MAP2K3: variants seen among roughly 807,000 people sequenced by gnomAD.
MAP2K3 encodes dual specificity mitogen-activated protein kinase kinase 3.
Under a neutral mutation model 46.4 loss-of-function variants are expected in MAP2K3, and 30 were observed. That is an observed-to-expected ratio of 0.65 (90% confidence interval 0.48 to 0.88). MAP2K3 has a LOEUF of 0.88. MAP2K3 is among the 40% of genes least tolerant of loss of function. The probability of loss-of-function intolerance (pLI) is 0.00; values close to 1 mark genes in which losing one functional copy is unlikely to be tolerated. For synonymous variants in MAP2K3, 189 were observed against 176.3 expected (o/e 1.07, Z -0.57); for missense variants, 380 against 464.5 (o/e 0.82, Z 1.67).
intron 3 of MAP2K3, 39 bp downstream of exon 3, chr17:21,298,965 C>T (rs1976431479): frequency 6.2e-7 from 1 of 1,613,282 alleles, no homozygotes; most frequent in South Asian, 1.1e-5. Flanking sequence ...CCTCTCACTT[C>T]ACCTGACGAG....
At chr17:21,291,087 A>T (rs1975896068) in intron 1 of MAP2K3, among the ~76,000 whole-genome samples, 1 of 152,240 alleles carries the variant, frequency 6.6e-6, no homozygotes, top group South Asian at 2.1e-4. Flanking sequence ...CTAAAAACAC[A>T]CAAAAAATTA....
intron 1 of MAP2K3, among the ~76,000 whole-genome samples, chr17:21,294,695 CA>C (rs1976141467): frequency 2.0e-5 from 3 of 152,306 alleles, no homozygotes; most frequent in South Asian, 2.1e-4. Flanking sequence ...AGAGGGTGGA[CA>C]GGGGTGGTCT....
At chr17:21,290,093 T>A (rs1210646773) in intron 1 of MAP2K3, among the ~76,000 whole-genome samples, 1 of 152,208 alleles carries the variant, frequency 6.6e-6, no homozygotes, top group East Asian at 1.9e-4. Flanking sequence ...GTCCCAAGGT[T>A]TACATGTGCC....
At chr17:21,302,045 AGGGGGCTGGGGCTGGGGCTGGTGCT>A (rs1976631893) in intron 5 of MAP2K3, 73 bp from the exon 6 acceptor site, 2 of 1,137,758 alleles carry the variant, frequency 1.8e-6, no homozygotes, top group Non-Finnish European at 2.5e-6. Context: ...CACGTCGGAG[AGGGGGCTGGGGCTGGGGCTGGTGCT>A]GGGGCAGGCA....
chr17:21,302,786 T>C (rs1026258066), intron 6 of MAP2K3, among the ~76,000 whole-genome samples: 6 of 152,310 alleles, frequency 3.9e-5, no homozygotes, highest in Non-Finnish European at 8.8e-5. Context: ...ATTTACAATA[T>C]ACCCCTGCCT....
intron 9 of MAP2K3, among the ~76,000 whole-genome samples, chr17:21,307,418 G>A (rs1976944756): frequency 6.6e-6 from 1 of 150,380 alleles, no homozygotes; most frequent in Non-Finnish European, 1.5e-5. Flanking sequence ...GGCCACTGTT[G>A]CAGATGCGGA....
At chr17:21,293,022 A>C (rs186153828) in intron 1 of MAP2K3, among the ~76,000 whole-genome samples, 2 of 152,306 alleles carry the variant, frequency 1.3e-5, no homozygotes, top group Non-Finnish European at 2.9e-5. Context: ...TAATGAAAGA[A>C]ATTTGCATAG....
At chr17:21,297,230 C>A (rs1460478155) in intron 1 of MAP2K3, among the ~76,000 whole-genome samples, 1 of 152,312 alleles carries the variant, frequency 6.6e-6, no homozygotes, top group African/African-American at 2.4e-5. Context: ...GTGGCCAAGG[C>A]TGGATCTGAA....
At position 21,284,730 on chromosome 17, in the gene MAP2K3, C is replaced by G. The variant is rs1467478559; in HGVS notation, c.-191C>G. On this transcript the variant is annotated 5_prime_UTR_variant, in exon 1 of 12. Coordinates refer to ENST00000342679, the MANE Select transcript of MAP2K3 (RefSeq NM_145109.3). ...CTGCCCAGTCTGTCTCCGGCGCCGC[C>G]CGTCGCGGACTCGTCCTTGCTGCAG... 1.9e-6 allele frequency: 1 copy of G among 527,040 alleles called. No homozygotes were observed. The highest frequency in any genetic ancestry group is 2.0e-5 in the African/African-American group (1 of 49,034). 32.6% of individuals were successfully genotyped at this position (527,040 alleles called of 1,614,324 possible). A position where few individuals can be genotyped will look rare whatever the true frequency, so the allele number is the denominator to read the frequency against.
intron 10 of MAP2K3, 56 bp downstream of exon 10, chr17:21,312,337 G>C (rs1977207133): frequency 2.7e-6 from 4 of 1,509,240 alleles, no homozygotes; most frequent in Admixed American, 2.6e-5. Flanking sequence ...CCAGATCCCT[G>C]CACCTTCCTG....
chr17:21,309,905 C>T lies in MAP2K3; in HGVS notation c.775-2237C>T, dbSNP rs76873897. Among the ~76,000 whole-genome samples, 980 of 151,628 alleles carry T rather than the reference C, an allele frequency of 6.5e-3. 9 individuals carry two copies. Among genetic ancestry groups the T allele is most frequent in the African/African-American group, 0.022 (926 of 41,328 alleles). On this transcript the variant is annotated intron_variant, in intron 9 of 11. Coordinates refer to ENST00000342679, the MANE Select transcript of MAP2K3 (RefSeq NM_145109.3). Reference sequence around the variant, plus strand: ...AGGTGTGAGCCACTGCGCCTGGCCTCGTAATGCTTCTTTTTAAAAAACTTT... The same window carrying T: ...AGGTGTGAGCCACTGCGCCTGGCCTTGTAATGCTTCTTTTTAAAAAACTTT...
intron 1 of MAP2K3, among the ~76,000 whole-genome samples, chr17:21,292,865 A>G (rs1976021323): frequency 6.6e-6 from 1 of 152,302 alleles, no homozygotes; most frequent in Non-Finnish European, 1.5e-5. Flanking sequence ...CACTCCTCGC[A>G]TCCTGCTGAG....
intron 1 of MAP2K3, chr17:21,288,208 C>T (rs1294322178): frequency 2.7e-6 from 2 of 739,322 alleles, no homozygotes; most frequent in Non-Finnish European, 3.9e-6. Flanking sequence ...ACGTGTCCTG[C>T]AGGTGGCACC....
intron 9 of MAP2K3, among the ~76,000 whole-genome samples, chr17:21,310,489 G>T (rs9898976): frequency 0.017 from 2,592 of 152,206 alleles, 65 homozygotes; most frequent in African/African-American, 0.055. Flanking sequence ...AGTCGGGAGA[G>T]TCCCCCTGGG....
chr17:21,298,194 C>A (rs1334726502), intron 1 of MAP2K3, among the ~76,000 whole-genome samples: 63 of 152,410 alleles, frequency 4.1e-4, no homozygotes, highest in Non-Finnish European at 5.9e-5. Context: ...GGAGTCCAGC[C>A]TCCAGGCCTG....
chr17:21,313,921 G>C, intron 11 of MAP2K3: 1 of 594,092 alleles, frequency 1.7e-6, no homozygotes, highest in Non-Finnish European at 3.0e-6. Flanking sequence ...CGTGTGGGGG[G>C]AAAGGGAGGT....
chr17:21,287,193 A>G (rs946388134), intron 1 of MAP2K3, among the ~76,000 whole-genome samples: 1 of 152,200 alleles, frequency 6.6e-6, no homozygotes, highest in Non-Finnish European at 1.5e-5. Context: ...GAGCATGTGC[A>G]GTGGGCCTGT....
Position 21,284,950 on chromosome 17 carries a change from C to A in MAP2K3, c.30C>A (p.Ala10=), listed in dbSNP as rs1298258759. 6.2e-7 allele frequency: 1 copy of A among 1,612,300 alleles called. No individual in the cohort carries two copies. The highest frequency in any genetic ancestry group is 8.5e-7 in the Non-Finnish European group (1 of 1,179,614). MESPASSQP[A]SMPQSKGKSK... ...AGTCGCCCGCCTCGAGCCAGCCCGC[C>A]AGCATGCCCCAGTCCAAAGGTAGGC... The change falls in exon 1 of 12, where the codon GCC becomes GCA. Residue 10 remains alanine, a synonymous_variant. Transcript: ENST00000342679.
In MAP2K3 at chr17:21,302,210, A is replaced by G. The variant is rs1976644608; in HGVS notation, c.467A>G (p.Asp156Gly). Reference protein sequence around the residue: ...SLDKFYRKVLDKNMTIPEDIL... With the variant: ...SLDKFYRKVLGKNMTIPEDIL... Reference sequence around the variant, plus strand: ...GACAAGTTCTACCGGAAGGTGCTGGATAAAAACATGACAATTCCAGAGGAC... The same window carrying G: ...GACAAGTTCTACCGGAAGGTGCTGGGTAAAAACATGACAATTCCAGAGGAC... The change falls in exon 6 of 12, where the codon GAT becomes GGT. Residue 156 changes from aspartate (D) to glycine (G), a missense_variant. By Grantham distance (94) the Asp-to-Gly change is moderately conservative (BLOSUM62 -1). Transcript: ENST00000342679. The G allele has an allele frequency of 6.3e-7, 1 of 1,593,702 alleles. No homozygotes were observed.
Sources: allele counts gnomAD v4.1 joint callset (sites outside exome capture counted in the v4.1 genomes callset), GRCh38; gene constraint gnomAD v4.1.1; transcripts MANE v1.5; gene names NCBI Gene and HGNC (gene_info 2026-07-23, HGNC 2026-07-21).